MAGI2: variants seen among roughly 807,000 people sequenced by gnomAD.
MAGI2 encodes the protein membrane-associated guanylate kinase, WW and PDZ domain-containing protein 2.
Under a neutral mutation model 133.3 loss-of-function variants are expected in MAGI2, and 35 were observed. The ratio of observed to expected loss-of-function variants is 0.26; its 90% CI spans 0.20 to 0.35. The LOEUF is 0.35. MAGI2 is among the 10% of genes least tolerant of loss of function. The pLI is 1.00. For missense variants in MAGI2, 1,636 were observed against 1,863.4 expected (o/e 0.88, Z 2.25); for synonymous variants, 729 against 710.6 (o/e 1.03, Z -0.41).
intron 2 of MAGI2, among the ~76,000 whole-genome samples, chr7:78,808,637 T>TTC (rs1352382802): frequency 5.9e-5 from 9 of 152,240 alleles, no homozygotes; most frequent in African/African-American, 2.2e-4. Flanking sequence ...ATGTGAAAAT[T>TTC]CAGTGAAGTA....
chr7:78,257,507 T>C (rs1041493631), intron 9 of MAGI2, among the ~76,000 whole-genome samples: 3 of 152,222 alleles, frequency 2.0e-5, no homozygotes, highest in African/African-American at 7.2e-5. Flanking sequence ...TTCAGAGGTC[T>C]ACTGGTTAGA....
chr7:78,707,730 C>G (rs181169877), intron 2 of MAGI2, among the ~76,000 whole-genome samples: 9 of 152,076 alleles, frequency 5.9e-5, no homozygotes, highest in Admixed American at 2.6e-4. Flanking sequence ...TCCCTAATAT[C>G]TTTTTGTGTT....
At chr7:79,097,081 C>A (rs1817581048) in intron 1 of MAGI2, among the ~76,000 whole-genome samples, 1 of 152,234 alleles carries the variant, frequency 6.6e-6, no homozygotes, top group Admixed American at 6.5e-5. Context: ...TTTAAAATTA[C>A]ACTTATTATT....
chr7:78,918,406 A>G (rs899983113), intron 2 of MAGI2, among the ~76,000 whole-genome samples: 2 of 152,206 alleles, frequency 1.3e-5, no homozygotes, highest in East Asian at 3.8e-4. Context: ...GTGATCTTTA[A>G]ATGATCTCAA....
intron 2 of MAGI2, among the ~76,000 whole-genome samples, chr7:78,964,955 G>A (rs761386494): frequency 1.4e-4 from 22 of 151,828 alleles, no homozygotes; most frequent in Non-Finnish European, 2.9e-4. Context: ...TCAAGAAAAA[G>A]AATCATAGAG....
At chr7:79,088,994 G>A (rs2215543) in intron 1 of MAGI2, among the ~76,000 whole-genome samples, 1 of 151,968 alleles carries the variant, frequency 6.6e-6, no homozygotes, top group Non-Finnish European at 1.5e-5. Flanking sequence ...AAAGAAACTC[G>A]CATCAGAGTG....
chr7:79,300,459 G>C (rs1837307999), intron 1 of MAGI2, among the ~76,000 whole-genome samples: 1 of 152,170 alleles, frequency 6.6e-6, no homozygotes, highest in African/African-American at 2.4e-5. Flanking sequence ...ATGATTTAGG[G>C]TATCTGGTAG....
chr7:78,971,513 C>A (rs1803781098), intron 2 of MAGI2, among the ~76,000 whole-genome samples: 1 of 151,892 alleles, frequency 6.6e-6, no homozygotes. Context: ...ATAGGACACC[C>A]AGTTAATTTG....
intron 1 of MAGI2, chr7:79,139,789 A>G (rs1251101633): frequency 6.6e-6 from 1 of 152,218 alleles, no homozygotes; most frequent in Admixed American, 6.5e-5. Flanking sequence ...GTTTAAACAA[A>G]TGAACCAAAA....
chr7:78,289,611 T>C (rs1403167963), intron 9 of MAGI2, among the ~76,000 whole-genome samples: 1 of 152,088 alleles, frequency 6.6e-6, no homozygotes, highest in Non-Finnish European at 1.5e-5. Flanking sequence ...ACCACAAAGA[T>C]ACTCCTCGAG....
intron 20 of MAGI2, among the ~76,000 whole-genome samples, chr7:78,097,115 T>C (rs879600491): frequency 6.6e-6 from 1 of 152,098 alleles, no homozygotes; most frequent in African/African-American, 2.4e-5. Context: ...CACAAGGAGA[T>C]GCCATCTCAA....
intron 7 of MAGI2, among the ~76,000 whole-genome samples, chr7:78,360,162 T>C (rs1584999776): frequency 6.6e-6 from 1 of 152,252 alleles, no homozygotes; most frequent in Non-Finnish European, 1.5e-5. Flanking sequence ...TGGTTTGACT[T>C]CCTCAGTTTG....
intron 2 of MAGI2, among the ~76,000 whole-genome samples, chr7:78,730,776 A>G (rs1821296001): frequency 6.6e-6 from 1 of 152,154 alleles, no homozygotes; most frequent in South Asian, 2.1e-4. Context: ...TATATTATAT[A>G]CTTAAATATG....
chr7:78,246,991 A>T (rs1406596039), intron 10 of MAGI2, among the ~76,000 whole-genome samples: 1 of 152,134 alleles, frequency 6.6e-6, no homozygotes, highest in Non-Finnish European at 1.5e-5. Flanking sequence ...AACCTATAGC[A>T]CAAGACCCAG....
At chr7:79,289,346 A>G (rs1389057023) in intron 1 of MAGI2, among the ~76,000 whole-genome samples, 1 of 152,168 alleles carries the variant, frequency 6.6e-6, no homozygotes, top group African/African-American at 2.4e-5. Context: ...TAACATCTCT[A>G]ATAGCTTACA....
chr7:78,954,798 AAGG>A (rs1225937736), intron 2 of MAGI2, among the ~76,000 whole-genome samples: 1 of 152,180 alleles, frequency 6.6e-6, no homozygotes, highest in African/African-American at 2.4e-5. Context: ...TTTTTTAAAA[AAGG>A]AGTCAGTTTC....
rs373700501 is a variant in MAGI2, at chr7:78,426,529, C to A, written c.1046-57316G>T. Among the ~76,000 whole-genome samples the A allele has an allele frequency of 6.6e-5, 10 of 151,978 alleles. No individual in the cohort carries two copies. In the East Asian group the frequency reaches 1.9e-3, roughly 29 times the overall value. ...CTAGATGACGAGTTAGTGGGTGCAG[C>A]GCACCAGCATGGCACATGTATACAT... is the stretch of plus-strand genomic sequence containing the variant. On this transcript the variant is annotated intron_variant, in intron 6 of 21. Transcript: ENST00000354212.
chr7:78,390,377 C>T (rs956165997), intron 6 of MAGI2, among the ~76,000 whole-genome samples: 3 of 152,132 alleles, frequency 2.0e-5, no homozygotes, highest in Admixed American at 6.5e-5. Flanking sequence ...TGGATCAATG[C>T]TTTCGTTCAC....
intron 2 of MAGI2, among the ~76,000 whole-genome samples, chr7:78,767,608 T>TA: frequency 6.6e-6 from 1 of 152,320 alleles, no homozygotes; most frequent in Non-Finnish European, 1.5e-5. Context: ...TCTAAAGTGA[T>TA]AGAGAAAATG....
Sources: gnomAD v4.1 joint callset for allele counts (sites outside exome capture counted in the v4.1 genomes callset) on GRCh38, gnomAD v4.1.1 for gene constraint, MANE v1.5 for transcripts, NCBI Gene and HGNC (gene_info 2026-07-23, HGNC 2026-07-21) for gene names.